Variants in RUNX1 observed in about 807,000 individuals in gnomAD.
The protein encoded by RUNX1 is RUNX family transcription factor 1.
A neutral mutation model predicts 42.8 loss-of-function variants in RUNX1; 19 were observed. The observed-to-expected ratio is 0.44, with a 90% confidence interval of 0.31 to 0.65. The LOEUF (loss-of-function observed/expected upper bound fraction) is 0.65. Among genes scored for constraint, RUNX1 ranks in the 30% least tolerant of loss-of-function variants. The pLI is 0.07. For missense variants in RUNX1, 528 were observed against 672.0 expected (o/e 0.79, Z 2.37); for synonymous variants, 271 against 289.4 (o/e 0.94, Z 0.64).
intron 6 of RUNX1, among the ~76,000 whole-genome samples, chr21:34,841,637 A>G (rs1003550116): frequency 9.2e-5 from 14 of 152,294 alleles, no homozygotes; most frequent in Middle Eastern, 3.4e-3. Flanking sequence ...AGCAGTGGCC[A>G]CCTTGCTCTT....
rs55870628 is a variant in RUNX1, at chr21:34,790,317, G to C, written c.*1818C>G. 1.3e-4 allele frequency: 30 copies of C among 233,578 alleles called. No individual in the cohort carries two copies. The East Asian group carries it at 1.7e-3, about 13-fold the overall frequency. 14.5% of individuals were successfully genotyped at this position (233,578 alleles called of 1,614,324 possible). ...AGCCAAAGATTTGCCTAATTTGAAT[G>C]CTTAAATTTATAAAATAAAAATCAA... On this transcript the variant is annotated 3_prime_UTR_variant, in exon 9 of 9. Coordinates refer to ENST00000675419, the MANE Select transcript of RUNX1 (RefSeq NM_001754.5).
chr21:34,883,725 A>C (rs2057940068), intron 4 of RUNX1, among the ~76,000 whole-genome samples: 1 of 152,256 alleles, frequency 6.6e-6, no homozygotes, highest in African/African-American at 2.4e-5. Flanking sequence ...TCTATATTAC[A>C]TGGACCTCCC....
intron 5 of RUNX1, among the ~76,000 whole-genome samples, chr21:34,877,010 C>T (rs931430783): frequency 2.0e-5 from 3 of 152,134 alleles, no homozygotes; most frequent in Non-Finnish European, 2.9e-5. Context: ...GCGCCCGCCA[C>T]CACACCTGGC....
At chr21:34,940,139 T>A (rs1308692342) in intron 2 of RUNX1, among the ~76,000 whole-genome samples, 1 of 152,116 alleles carries the variant, frequency 6.6e-6, no homozygotes, top group East Asian at 1.9e-4. Context: ...GCATGCCTCA[T>A]GGGTGGTATG....
intron 2 of RUNX1, among the ~76,000 whole-genome samples, chr21:34,997,575 C>T (rs2059005973): frequency 6.6e-6 from 1 of 152,246 alleles, no homozygotes; most frequent in Non-Finnish European, 1.5e-5. Flanking sequence ...AGTCGTCTTG[C>T]TGACGATCAG....
chr21:34,869,034 G>A (rs2057701583), intron 5 of RUNX1, among the ~76,000 whole-genome samples: 1 of 152,144 alleles, frequency 6.6e-6, no homozygotes, highest in African/African-American at 2.4e-5. Context: ...AATGCCTGCT[G>A]TTATCTCATG....
intron 2 of RUNX1, among the ~76,000 whole-genome samples, chr21:34,927,463 A>C (rs2146579190): frequency 6.6e-6 from 1 of 152,320 alleles, no homozygotes; most frequent in Non-Finnish European, 1.5e-5. Flanking sequence ...GATGTTGGTG[A>C]GTGCCATGCA....
In RUNX1 at chr21:34,938,595, A is replaced by C. The variant is rs556896265; in HGVS notation, c.59-45632T>G. On this transcript the variant is annotated intron_variant, in intron 2 of 8. Transcript: ENST00000675419. ...CTCTTCCTCCTTCTTTTATTCTTGGAAATTAATGCTTTGCTATATGTGGAG... is the reference window on the plus strand; with the variant it reads ...CTCTTCCTCCTTCTTTTATTCTTGGCAATTAATGCTTTGCTATATGTGGAG... Among the ~76,000 whole-genome samples, 39 of 151,894 alleles carry C rather than the reference A, an allele frequency of 2.6e-4. No individual in the cohort carries two copies. The South Asian group carries it at 7.7e-3, about 30-fold the overall frequency.
chr21:35,036,432 C>A (rs377202881), intron 2 of RUNX1, among the ~76,000 whole-genome samples: 5 of 152,194 alleles, frequency 3.3e-5, no homozygotes, highest in African/African-American at 1.2e-4. Context: ...GCAGGCTTTG[C>A]GGGGAGAAAG....
intron 6 of RUNX1, among the ~76,000 whole-genome samples, chr21:34,858,877 T>C (rs978504766): frequency 2.0e-5 from 3 of 152,216 alleles, no homozygotes; most frequent in African/African-American, 7.2e-5. Context: ...TTTAAAAGCT[T>C]CCCTCACAGG....
intron 6 of RUNX1, among the ~76,000 whole-genome samples, chr21:34,849,374 T>TATATATA (rs2057375299): frequency 1.9e-5 from 1 of 52,374 alleles, no homozygotes; most frequent in South Asian, 4.3e-4. Flanking sequence ...TTATATATAC[T>TATATATA]ATATACATAG....
Position 34,907,907 on chromosome 21 carries a change from A to G in RUNX1, c.59-14944T>C, listed in dbSNP as rs1465901414. Among the ~76,000 whole-genome samples, 1 of 152,124 alleles carries G rather than the reference A, an allele frequency of 6.6e-6. No homozygotes were observed. Among genetic ancestry groups the G allele is most frequent in the African/African-American group, 2.4e-5 (1 of 41,420 alleles). ...TCTTAGCAAACATTTTGTCCAATCC[A>G]TTTAGTTTATAGAGGGAAAAGGAGG... On this transcript the variant is annotated intron_variant, in intron 2 of 8. Transcript: ENST00000675419. This position sits in a 1 kb window ranked among gnomAD's most constrained non-coding sequence, Gnocchi z 5.3.
chr21:34,832,756 T>A (rs774727143), intron 7 of RUNX1, among the ~76,000 whole-genome samples: 32 of 151,964 alleles, frequency 2.1e-4, no homozygotes, highest in Non-Finnish European at 1.5e-4. Context: ...TTTTGGAATT[T>A]AAAAAAAATC....
intron 2 of RUNX1, among the ~76,000 whole-genome samples, chr21:34,944,414 G>GT (rs963898846): frequency 1.4e-4 from 21 of 152,222 alleles, no homozygotes; most frequent in African/African-American, 4.3e-4. Flanking sequence ...TTCAGACCAT[G>GT]TGATACTTCT....
intron 5 of RUNX1, among the ~76,000 whole-genome samples, chr21:34,860,553 A>G (rs143871288): frequency 1.5e-5 from 2 of 137,076 alleles, no homozygotes; most frequent in African/African-American, 2.7e-5. Flanking sequence ...GTGTGTGTGT[A>G]TGTTGTCTGC....
In RUNX1 at chr21:34,866,006, C is replaced by T. The variant is rs533098502; in HGVS notation, c.509-6428G>A. Among the ~76,000 whole-genome samples, 16 of 152,306 alleles carry T rather than the reference C, an allele frequency of 1.1e-4. No individual in the cohort carries two copies. The South Asian group carries it at 3.3e-3, about 32-fold the overall frequency. On this transcript the variant is annotated intron_variant, in intron 5 of 8. Coordinates refer to ENST00000675419, the MANE Select transcript of RUNX1 (RefSeq NM_001754.5). The stretch of plus-strand genomic sequence containing the variant: ...CTGTTGTGACTCGGCCTCCTCAGGT[C>T]TAGTTTGCAGGTATCCCCGGTCTAC...
intron 6 of RUNX1, among the ~76,000 whole-genome samples, chr21:34,849,299 T>C (rs1212734851): frequency 1.9e-5 from 1 of 51,946 alleles, no homozygotes; most frequent in Non-Finnish European, 3.4e-5. Context: ...ATATATAAAA[T>C]ATATAATATA....
chr21:34,913,705 G>A (rs1209325109), intron 2 of RUNX1, among the ~76,000 whole-genome samples: 2 of 152,154 alleles, frequency 1.3e-5, no homozygotes, highest in Admixed American at 6.5e-5. Flanking sequence ...GCATCGTAGG[G>A]CTACTTTTAA....
At chr21:34,823,109 G>A (rs1442140036) in intron 7 of RUNX1, among the ~76,000 whole-genome samples, 1 of 152,218 alleles carries the variant, frequency 6.6e-6, no homozygotes, top group Non-Finnish European at 1.5e-5. Context: ...GCAGGAACTG[G>A]CAATTTACAG....
Sources: gnomAD v4.1 joint callset for allele counts (sites outside exome capture counted in the v4.1 genomes callset) on GRCh38, gnomAD v4.1.1 for gene constraint, Gnocchi (gnomAD v3.1) non-coding constraint, MANE v1.5 for transcripts, NCBI Gene and HGNC (gene_info 2026-07-23, HGNC 2026-07-21) for gene names.